The following NEB variants were observed in gnomAD, a reference collection of about 807,000 sequenced individuals.
NEB encodes nebulin.
NEB carries 512 observed loss-of-function variants against 952.2 expected under a neutral mutation model. That is an observed-to-expected ratio of 0.54 (90% CI 0.50 to 0.58). The LOEUF is 0.58. NEB is among the 20% of genes least tolerant of loss of function. NEB has a pLI of 0.00. For synonymous variants in NEB, 2,900 were observed against 3,149.8 expected, an observed-to-expected ratio of 0.92 and a Z score of 2.66; for missense variants, 8,428 against 9,231.1, an observed-to-expected ratio of 0.91 and a Z score of 3.56.
intron 143 of NEB, 152 bp from the exon 144 acceptor site, chr2:151,532,048 T>C (rs938059356): frequency 1.7e-6 from 1 of 594,150 alleles, no homozygotes; most frequent in African/African-American, 1.9e-5. Flanking sequence ...TTGTGTCTGA[T>C]AGCAAAAGTG....
At chr2:151,724,178 A>T in intron 8 of NEB, 82 bp downstream of exon 8, 1 of 1,061,554 alleles carries the variant, frequency 9.4e-7, no homozygotes. Context: ...ATTCCAGATG[A>T]TCAAGAGTTC....
Position 151,576,162 on chromosome 2 carries a change from T to C in NEB, c.16897A>G (p.Asn5633Asp). 6.3e-7 allele frequency: 1 copy of C among 1,597,076 alleles called. No homozygotes were observed. Among genetic ancestry groups the C allele is most frequent in the Non-Finnish European group, 8.6e-7 (1 of 1,169,084 alleles). The change falls in exon 106 of 182, where the codon AAT (asparagine) becomes GAT (aspartate). Residue 5633 changes from asparagine to aspartate, a missense_variant. Physicochemically the swap from Asn to Asp is conservative, Grantham distance 23 (BLOSUM62 1). Transcript: ENST00000397345. ...EVVLAKSNAE[N>D]ISIPKYREVW... Reference sequence around the variant, plus strand: ...AAAAACTAACTCACAATACTAATATTTTCAGCATTTGATTTAGCAAGGACC... The same window carrying C: ...AAAAACTAACTCACAATACTAATATCTTCAGCATTTGATTTAGCAAGGACC...
chr2:151,632,633 G>A (rs182818106), intron 65 of NEB, among the ~76,000 whole-genome samples: 38 of 145,338 alleles, frequency 2.6e-4, no homozygotes, highest in African/African-American at 7.4e-4. Flanking sequence ...CCGAGATCGC[G>A]CCACTGCACT....
intron 71 of NEB, among the ~76,000 whole-genome samples, chr2:151,622,295 G>A (rs1237591959): frequency 2.6e-5 from 4 of 152,112 alleles, no homozygotes; most frequent in Non-Finnish European, 5.9e-5. Context: ...GCCATGTTTG[G>A]TAAAGTTTCG....
At chr2:151,620,375 A>AT (rs1476331996) in intron 72 of NEB, among the ~76,000 whole-genome samples, 1 of 82,130 alleles carries the variant, frequency 1.2e-5, no homozygotes, top group Admixed American at 1.8e-4. Context: ...ATATATATAT[A>AT]TATATATATA....
Position 151,579,391 on chromosome 2 carries a change from G to A in NEB, c.16651C>T (p.Pro5551Ser), listed in dbSNP as rs1578452607. Reference sequence around the variant, plus strand: ...GCTTGGATCACATCATTCTGGTCGGGAAAGCAAGACCAGCGGTGCAGGTAA... The same window carrying A: ...GCTTGGATCACATCATTCTGGTCGGAAAAGCAAGACCAGCGGTGCAGGTAA... The part of the protein sequence containing the change: ...RHYLHRWSCF[P>S]DQNDVIQARK... The change falls in exon 105 of 182, where the codon CCC (proline) becomes TCC (serine). Residue 5551 changes from proline (P) to serine (S), a missense_variant. Physicochemically the swap from Pro to Ser is moderately conservative, Grantham distance 74. This residue lies in a region of NEB where 19 missense variants were observed against 49.3 expected (regional missense o/e 0.39). Coordinates refer to ENST00000397345, the MANE Select transcript of NEB (RefSeq NM_001164508.2). The A allele has an allele frequency of 1.3e-6, 2 of 1,531,674 alleles. No homozygotes were observed. Among genetic ancestry groups the A allele is most frequent in the African/African-American group, 1.4e-5 (1 of 72,256 alleles). 94.9% of individuals were successfully genotyped at this position (1,531,674 alleles called of 1,614,324 possible).
At chr2:151,555,311 A>C (rs1246817543) in intron 124 of NEB, among the ~76,000 whole-genome samples, 2 of 152,208 alleles carry the variant, frequency 1.3e-5, no homozygotes, top group African/African-American at 4.8e-5. Flanking sequence ...TGTTTTCAAA[A>C]TTCCTATAGC....
intron 5 of NEB, among the ~76,000 whole-genome samples, chr2:151,727,451 T>G (rs1314598635): frequency 6.6e-6 from 1 of 152,238 alleles, no homozygotes; most frequent in Non-Finnish European, 1.5e-5. Flanking sequence ...GCTTTATGAT[T>G]GGCCTTATGC....
intron 34 of NEB, among the ~76,000 whole-genome samples, chr2:151,677,216 C>T (rs1355013872): frequency 6.6e-6 from 1 of 152,028 alleles, no homozygotes; most frequent in Non-Finnish European, 1.5e-5. Flanking sequence ...ACAAATCTGC[C>T]ACAATAAAGT....
chr2:151,530,217 T>C (rs1241095785), intron 145 of NEB, among the ~76,000 whole-genome samples: 1 of 152,132 alleles, frequency 6.6e-6, no homozygotes, highest in African/African-American at 2.4e-5. Flanking sequence ...GAACTGTATA[T>C]TGTCATTGCT....
intron 52 of NEB, among the ~76,000 whole-genome samples, chr2:151,651,418 G>A (rs972681216): frequency 1.3e-5 from 2 of 152,132 alleles, no homozygotes; most frequent in Non-Finnish European, 2.9e-5. Context: ...AAGTAAATAC[G>A]CCTAATAATG....
Position 151,677,638 on chromosome 2 carries a change from G to C in NEB, c.3701C>G (p.Thr1234Ser), listed in dbSNP as rs1490892954. The change falls in exon 34 of 182, where the codon ACC (threonine) becomes AGC (serine). Residue 1234 changes from threonine (T) to serine (S), a missense_variant. Thr to Ser is a moderately conservative substitution (Grantham distance 58). This residue lies in a region of NEB where 2,851 missense variants were observed against 2,791.5 expected (regional missense o/e 1.02). Coordinates refer to ENST00000397345, the MANE Select transcript of NEB (RefSeq NM_001164508.2). ...NEKKYRQHPD[T>S]LKFTSIVDSP... ...GTCCACAATGCTGGTAAATTTGAGG[G>C]TGTCTGGATGTTGCCTGTACTTCTT... is the stretch of plus-strand genomic sequence containing the variant. 6.2e-7 allele frequency: 1 copy of C among 1,613,938 alleles called. No individual in the cohort carries two copies. The highest frequency in any genetic ancestry group is 8.5e-7 in the Non-Finnish European group (1 of 1,179,878).
rs2154172851 is a variant in NEB, at chr2:151,663,836, T to C, written c.5475A>G (p.Glu1825=). The C allele has an allele frequency of 6.2e-7, 1 of 1,613,694 alleles. No individual in the cohort carries two copies. The highest frequency in any genetic ancestry group is 8.5e-7 in the Non-Finnish European group (1 of 1,179,664). ...AGCCAATGTGTTTCCCTTTGGCTTGTTCATAGGCTTTCTTGTATTTGTACT... is the reference window on the plus strand; with the variant it reads ...AGCCAATGTGTTTCCCTTTGGCTTGCTCATAGGCTTTCTTGTATTTGTACT... ...ASDYKYKKAY[E]QAKGKHIGFR... is the part of the protein sequence containing the mutation. The change falls in exon 45 of 182, where the codon GAA becomes GAG. Residue 1825 remains glutamate (E), a synonymous_variant. Transcript: ENST00000397345.
rs61254943 is a variant in NEB, at chr2:151,576,372, G to T, written c.16705-18C>A. ...TAGAGGGCCTGAAAAAGAAAACACAGGTAGAAGCAGGGTTTGTGTTTTGTT... is the reference window on the plus strand; with the variant it reads ...TAGAGGGCCTGAAAAAGAAAACACATGTAGAAGCAGGGTTTGTGTTTTGTT... On this transcript the variant is annotated intron_variant, in intron 105 of 181. Transcript: ENST00000397345. The T allele has an allele frequency of 5.7e-6, 9 of 1,567,250 alleles. No homozygotes were observed. Among genetic ancestry groups the T allele is most frequent in the Non-Finnish European group, 7.8e-6 (9 of 1,151,254 alleles).
Position 151,552,728 on chromosome 2 carries a change from C to T in NEB, c.19780G>A (p.Val6594Ile). 2.5e-6 allele frequency: 4 copies of T among 1,613,416 alleles called. No individual in the cohort carries two copies. Among genetic ancestry groups the T allele is most frequent in the African/African-American group, 1.3e-5 (1 of 75,008 alleles). Reference protein sequence around the residue: ...MLKTRNDYKLVTDTPVYVQAV... With the variant: ...MLKTRNDYKLITDTPVYVQAV... ...TGCACGTAGACTGGTGTATCTGTGA[C>T]AAGCTTGTAGTCATTCCTTGTTTTC... Residue 6594 changes from valine to isoleucine, a missense_variant, in exon 128 of 182, where the codon GTC becomes ATC. Transcript: ENST00000397345.
intron 128 of NEB, 84 bp downstream of exon 128, chr2:151,552,588 C>T: frequency 1.1e-6 from 1 of 893,518 alleles, no homozygotes; most frequent in Non-Finnish European, 1.8e-6. Context: ...CTTGGCACTG[C>T]CCAGTCTATG....
At chr2:151,694,237 G>C (rs899765067) in intron 20 of NEB, 86 bp downstream of exon 20, 98 of 1,122,130 alleles carry the variant, frequency 8.7e-5, no homozygotes, top group Non-Finnish European at 1.2e-4. Context: ...CAAGATTTCA[G>C]TTAGGCTAAC....
rs113016451 is a variant in NEB, at chr2:151,575,654, G to A, written c.17013+41C>T. 5.1e-6 allele frequency: 7 copies of A among 1,377,480 alleles called. No individual in the cohort carries two copies. The African/African-American group carries it at 7.1e-5, about 14-fold the overall frequency. 85.3% of individuals were successfully genotyped at this position (1,377,480 alleles called of 1,614,324 possible). ...ATGCTCATAGTATAGCCCTGACTGG[G>A]TAACTTTCCAAACAAAAAGAGAGTC... is the stretch of plus-strand genomic sequence containing the variant. On this transcript the variant is annotated intron_variant, in intron 107 of 181. Transcript: ENST00000397345.
intron 181 of NEB, among the ~76,000 whole-genome samples, chr2:151,489,493 G>C (rs1244351941): frequency 6.6e-6 from 1 of 152,142 alleles, no homozygotes; most frequent in Non-Finnish European, 1.5e-5. Context: ...CAAATTTCCA[G>C]GCTCAAGCAA....
Sources: allele counts gnomAD v4.1 joint callset (sites outside exome capture counted in the v4.1 genomes callset), GRCh38; gene constraint gnomAD v4.1.1; regional missense constraint gnomAD v4.1.1; transcripts MANE v1.5; gene names NCBI Gene and HGNC (gene_info 2026-07-23, HGNC 2026-07-21).